Variants in IL7 observed in about 807,000 individuals in gnomAD.
IL7 encodes the protein interleukin-7.
A neutral mutation model predicts 21.6 loss-of-function variants in IL7; 3 were observed. The observed-to-expected ratio is 0.14, with a 90% CI of 0.06 to 0.36. The LOEUF is 0.36. Among genes scored for constraint, IL7 ranks in the 10% least tolerant of loss-of-function variants. The pLI, the probability that IL7 is intolerant of heterozygous loss-of-function variation, is 1.00. For missense variants in IL7, 175 were observed against 200.2 expected (o/e 0.87, Z 0.76); for synonymous variants, 62 against 68.1 (o/e 0.91, Z 0.44).
chr8:78,785,439 CTTG>C (rs1235416740), intron 2 of IL7, among the ~76,000 whole-genome samples: 2 of 152,010 alleles, frequency 1.3e-5, no homozygotes, highest in Non-Finnish European at 2.9e-5. Context: ...GTTCATTCTT[CTTG>C]TTGTTGCTAA....
intron 3 of IL7, among the ~76,000 whole-genome samples, chr8:78,726,463 A>G (rs1470407503): frequency 6.6e-6 from 1 of 152,002 alleles, no homozygotes; most frequent in African/African-American, 2.4e-5. Flanking sequence ...GGCCATTCAT[A>G]TGACTTTGGC....
intron 3 of IL7, among the ~76,000 whole-genome samples, chr8:78,687,590 TTA>T (rs1480710109): frequency 1.4e-5 from 2 of 140,162 alleles, no homozygotes; most frequent in African/African-American, 5.2e-5. Context: ...ACGTAATAAA[TTA>T]TATATATTTA....
At chr8:78,747,519 G>A (rs557401647) in intron 2 of IL7, among the ~76,000 whole-genome samples, 46 of 152,146 alleles carry the variant, frequency 3.0e-4, no homozygotes, top group South Asian at 2.9e-3. Context: ...TTTAAAATGC[G>A]CTGCTTATTT....
intron 3 of IL7, among the ~76,000 whole-genome samples, chr8:78,722,922 C>T (rs890579354): frequency 6.6e-6 from 1 of 151,402 alleles, no homozygotes; most frequent in Non-Finnish European, 1.5e-5. Context: ...CAGCACAGAG[C>T]CATAAATTTG....
chr8:78,700,636 T>C (rs779983529), intron 3 of IL7, among the ~76,000 whole-genome samples: 15 of 152,182 alleles, frequency 9.9e-5, no homozygotes, highest in Non-Finnish European at 5.9e-5. Context: ...TTTATAGTTT[T>C]TGGTTTTACA....
At chr8:78,718,788 G>C (rs920002590) in intron 6 of IL7, 1 of 151,628 alleles carries the variant, frequency 6.6e-6, no homozygotes, top group South Asian at 2.1e-4. Context: ...CAGTAATTCT[G>C]TAGTAATTTC....
chr8:78,758,340 T>C (rs1812424383), intron 2 of IL7, among the ~76,000 whole-genome samples: 3 of 152,134 alleles, frequency 2.0e-5, no homozygotes, highest in Admixed American at 2.0e-4. Flanking sequence ...ATATCCTTTG[T>C]TTCTCTTTCC....
intron 2 of IL7, among the ~76,000 whole-genome samples, chr8:78,774,599 G>A (rs768135921): frequency 2.0e-5 from 3 of 151,956 alleles, no homozygotes; most frequent in African/African-American, 7.2e-5. Context: ...TTGGCACTGT[G>A]CTTCTCATTT....
chr8:78,766,218 G>C (rs1165477071), intron 2 of IL7, among the ~76,000 whole-genome samples: 3 of 152,120 alleles, frequency 2.0e-5, no homozygotes, highest in Non-Finnish European at 2.9e-5. Context: ...GAACAGTGAA[G>C]TTGTTAGGAG....
At chr8:78,802,916 C>T (rs996297746) in intron 1 of IL7, among the ~76,000 whole-genome samples, 2 of 152,164 alleles carry the variant, frequency 1.3e-5, no homozygotes, top group African/African-American at 4.8e-5. Context: ...TAAGGTACTT[C>T]CTGGCCAAAC....
At chr8:78,709,025 T>A (rs1810872894) in intron 3 of IL7, among the ~76,000 whole-genome samples, 1 of 152,232 alleles carries the variant, frequency 6.6e-6, no homozygotes, top group Admixed American at 6.5e-5. Context: ...ACAGATCTTT[T>A]AAATAAATAT....
At chr8:78,797,878 G>C (rs1813914104) in intron 2 of IL7, 194 bp downstream of exon 2, 1 of 441,804 alleles carries the variant, frequency 2.3e-6, no homozygotes, top group Non-Finnish European at 4.0e-6. Flanking sequence ...TTAGAGTCGA[G>C]GAAAGAATTA....
At chr8:78,783,110 CA>C (rs1162393255) in intron 2 of IL7, among the ~76,000 whole-genome samples, 1 of 152,136 alleles carries the variant, frequency 6.6e-6, no homozygotes, top group Non-Finnish European at 1.5e-5. Flanking sequence ...TCTTAGGCAG[CA>C]GGTAGCCATA....
At chr8:78,773,372 T>C (rs1196882008) in intron 2 of IL7, among the ~76,000 whole-genome samples, 1 of 152,148 alleles carries the variant, frequency 6.6e-6, no homozygotes, top group Non-Finnish European at 1.5e-5. Context: ...TTCTCATCAA[T>C]GTCATAACGA....
intron 1 of IL7, among the ~76,000 whole-genome samples, chr8:78,800,746 C>T (rs180748699): frequency 6.6e-6 from 1 of 152,132 alleles, no homozygotes; most frequent in East Asian, 1.9e-4. Flanking sequence ...TACAGGGGTC[C>T]AAAAGGTATA....
At chr8:78,719,516 A>T (rs1013438995) in intron 5 of IL7, 3 of 146,882 alleles carry the variant, frequency 2.0e-5, no homozygotes, top group African/African-American at 5.4e-5. Context: ...GTTCAGTTTT[A>T]AAAAAAATCT....
chr8:78,789,448 C>T (rs6473118), intron 2 of IL7, among the ~76,000 whole-genome samples: 12,993 of 152,158 alleles, frequency 0.085, 722 homozygotes, highest in East Asian at 0.28. Flanking sequence ...ATTTTTGAAG[C>T]AATATTTGGC....
chr8:78,735,852 G>A (rs949710752), intron 5 of IL7, among the ~76,000 whole-genome samples: 2 of 152,032 alleles, frequency 1.3e-5, no homozygotes. Flanking sequence ...TGAACCAGGT[G>A]TGCTCATTTT....
intron 2 of IL7, among the ~76,000 whole-genome samples, chr8:78,780,040 T>A (rs1189188014): frequency 6.6e-6 from 1 of 152,204 alleles, no homozygotes; most frequent in Non-Finnish European, 1.5e-5. Flanking sequence ...GTTTATGGTA[T>A]TCTCTGATGG....
Sources: gnomAD v4.1 joint callset for allele counts (sites outside exome capture counted in the v4.1 genomes callset) on GRCh38, gnomAD v4.1.1 for gene constraint, MANE v1.5 for transcripts, NCBI Gene and HGNC (gene_info 2026-07-23, HGNC 2026-07-21) for gene names.